Variants in BMPR1B observed in about 807,000 individuals in gnomAD.
BMPR1B encodes the protein bone morphogenetic protein receptor type 1B.
In BMPR1B, 12 loss-of-function variants were observed where a neutral mutation model predicts 59.1. The observed-to-expected ratio is 0.20, with a 90% CI of 0.13 to 0.33. The LOEUF is 0.33. BMPR1B is among the 10% of genes least tolerant of loss of function. BMPR1B has a pLI of 1.00. For synonymous variants in BMPR1B, 237 were observed against 207.3 expected (o/e 1.14, Z -1.23); for missense variants, 550 against 610.9 (o/e 0.90, Z 1.05).
At chr4:95,089,474 A>G (rs1729826239) in intron 3 of BMPR1B, among the ~76,000 whole-genome samples, 1 of 152,172 alleles carries the variant, frequency 6.6e-6, no homozygotes, top group Non-Finnish European at 1.5e-5. Flanking sequence ...ATATAAAGAA[A>G]GAAAATTTAC....
intron 2 of BMPR1B, among the ~76,000 whole-genome samples, chr4:94,895,807 C>T (rs1034478304): frequency 6.6e-6 from 1 of 151,666 alleles, no homozygotes; most frequent in Non-Finnish European, 1.5e-5. Flanking sequence ...TGGAAGTGAT[C>T]AGACTAGATG....
intron 2 of BMPR1B, among the ~76,000 whole-genome samples, chr4:94,950,128 G>C (rs974581143): frequency 6.6e-6 from 1 of 152,088 alleles, no homozygotes; most frequent in East Asian, 1.9e-4. Context: ...CCCACTTTTT[G>C]ATGGGGTTGT....
At chr4:94,871,115 G>T (rs1378985988) in intron 1 of BMPR1B, among the ~76,000 whole-genome samples, 1 of 152,108 alleles carries the variant, frequency 6.6e-6, no homozygotes, top group Non-Finnish European at 1.5e-5. Flanking sequence ...AAAACCAGGG[G>T]TTAGAGAAGT....
chr4:95,116,419 G>GCACACACACACACACACA (rs1168592798), intron 6 of BMPR1B, among the ~76,000 whole-genome samples: 31 of 51,140 alleles, frequency 6.1e-4, no homozygotes, highest in Admixed American at 1.0e-3. Context: ...CTTTCAGCGC[G>GCACACACACACACACACA]CGCACACACA....
chr4:94,946,300 T>A (rs1560561147), intron 2 of BMPR1B, among the ~76,000 whole-genome samples: 1 of 152,228 alleles, frequency 6.6e-6, no homozygotes, highest in Non-Finnish European at 1.5e-5. Context: ...TCGTTTTTCT[T>A]TCTTAATTTC....
intron 2 of BMPR1B, among the ~76,000 whole-genome samples, chr4:94,991,868 G>A (rs528036323): frequency 6.6e-6 from 1 of 152,244 alleles, no homozygotes; most frequent in African/African-American, 2.4e-5. Flanking sequence ...TAGACTATAT[G>A]GTGACAAGGT....
chr4:94,984,459 A>G (rs530450552), intron 2 of BMPR1B, among the ~76,000 whole-genome samples: 10 of 152,246 alleles, frequency 6.6e-5, no homozygotes, highest in African/African-American at 2.4e-4. Flanking sequence ...TAGAGGCCCT[A>G]TTAGCTCCAT....
At chr4:95,095,234 T>C (rs1205101967) in intron 3 of BMPR1B, among the ~76,000 whole-genome samples, 4 of 152,022 alleles carry the variant, frequency 2.6e-5, no homozygotes, top group African/African-American at 7.2e-5. Context: ...GCGATTAAAC[T>C]ATCTGATGTC....
intron 1 of BMPR1B, among the ~76,000 whole-genome samples, chr4:94,870,802 G>A (rs189976619): frequency 2.8e-4 from 43 of 152,222 alleles, no homozygotes; most frequent in Non-Finnish European, 5.3e-4. Flanking sequence ...AAGCAAAGAT[G>A]TTACAAAGAA....
At chr4:95,086,064 T>A (rs1035810) in intron 3 of BMPR1B, among the ~76,000 whole-genome samples, 101,957 of 151,796 alleles carry the variant, frequency 0.67, 34,396 homozygotes, top group South Asian at 0.73. Flanking sequence ...TGTTAATATG[T>A]TTGACAGTTA....
rs144699940 is a variant in BMPR1B at position 95,098,660 on chromosome 4, C to G, written c.-17-5748C>G. ...TAAGGTGAGTCTCCCCAGGTTCATT[C>G]TGCTGCTGCTTCTCTTCCGCCTTGC... is the stretch of plus-strand genomic sequence containing the variant. On this transcript the variant is annotated intron_variant, in intron 3 of 12. Coordinates refer to ENST00000515059, the MANE Select transcript of BMPR1B (RefSeq NM_001203.3). Among the ~76,000 whole-genome samples, 29 of 152,098 alleles carry G rather than the reference C, an allele frequency of 1.9e-4. No individual in the cohort carries two copies. In the East Asian group the frequency reaches 5.4e-3, roughly 28 times the overall value.
intron 3 of BMPR1B, among the ~76,000 whole-genome samples, chr4:95,073,580 G>GA (rs1307546659): frequency 6.6e-6 from 1 of 152,102 alleles, no homozygotes; most frequent in Non-Finnish European, 1.5e-5. Flanking sequence ...AGAATTGGAT[G>GA]AGGGACTGAA....
At chr4:94,911,327 G>A (rs987545771) in intron 2 of BMPR1B, among the ~76,000 whole-genome samples, 10 of 152,190 alleles carry the variant, frequency 6.6e-5, no homozygotes, top group African/African-American at 1.7e-4. Flanking sequence ...AGAAGTCAAT[G>A]TGGGGAGAAG....
intron 3 of BMPR1B, among the ~76,000 whole-genome samples, chr4:95,053,950 T>G (rs1388720726): frequency 1.3e-5 from 2 of 152,202 alleles, no homozygotes; most frequent in African/African-American, 4.8e-5. Context: ...TTATTAATTC[T>G]GCGTCTACTT....
chr4:94,853,299 C>G (rs1725632032), intron 1 of BMPR1B, among the ~76,000 whole-genome samples: 2 of 152,236 alleles, frequency 1.3e-5, no homozygotes, highest in South Asian at 4.2e-4. Flanking sequence ...ATTGCTACCT[C>G]TAGAGATTTT....
intron 1 of BMPR1B, among the ~76,000 whole-genome samples, chr4:94,831,745 C>A (rs1724600302): frequency 6.6e-6 from 1 of 152,190 alleles, no homozygotes; most frequent in African/African-American, 2.4e-5. Flanking sequence ...AGGAGATGAA[C>A]AGCAGGGAAG....
chr4:94,870,309 C>T (rs1412923330), intron 1 of BMPR1B, among the ~76,000 whole-genome samples: 1 of 149,942 alleles, frequency 6.7e-6, no homozygotes, highest in Non-Finnish European at 1.5e-5. Context: ...AGCTCTTAAT[C>T]ACTGTGTCTG....
intron 2 of BMPR1B, among the ~76,000 whole-genome samples, chr4:94,962,509 C>T (rs757847659): frequency 6.6e-6 from 1 of 152,082 alleles, no homozygotes; most frequent in African/African-American, 2.4e-5. Context: ...TTCTGGTAAC[C>T]ATCATCCTGC....
chr4:95,024,591 A>G lies in BMPR1B; in HGVS notation c.-18+28457A>G, dbSNP rs183026379. Among the ~76,000 whole-genome samples, 198 of 152,300 alleles carry G rather than the reference A, an allele frequency of 1.3e-3. 1 individual carries two copies. Among genetic ancestry groups the G allele is most frequent in the Non-Finnish European group, 2.1e-3 (143 of 68,022 alleles). On this transcript the variant is annotated intron_variant, in intron 3 of 12. Transcript: ENST00000515059. The stretch of plus-strand genomic sequence containing the variant: ...TGGGTTTACTTCACCAGTTTCCTAA[A>G]TATCAATTATGCCAGTCACAGTATA...
Sources: allele counts gnomAD v4.1 joint callset (sites outside exome capture counted in the v4.1 genomes callset), GRCh38; gene constraint gnomAD v4.1.1; transcripts MANE v1.5; gene names NCBI Gene and HGNC (gene_info 2026-07-23, HGNC 2026-07-21).